Variants in FANCD2OS observed in about 807,000 individuals in gnomAD.
The protein encoded by FANCD2OS is FANCD2 opposite strand protein.
A neutral mutation model predicts 13.2 loss-of-function variants in FANCD2OS; 11 were observed. The ratio of observed to expected loss-of-function variants is 0.83; its 90% CI spans 0.52 to 1.38. FANCD2OS has a LOEUF of 1.38. Ranked by LOEUF, FANCD2OS falls within the 40% of genes most tolerant of loss-of-function variation. FANCD2OS has a pLI of 0.00. For missense variants in FANCD2OS, 217 were observed against 213.9 expected, an observed-to-expected ratio of 1.01 and a Z score of -0.09; for synonymous variants, 69 against 84.5, an observed-to-expected ratio of 0.82 and a Z score of 1.01.
At chr3:10,090,442 GA>G in intron 2 of FANCD2OS, 44 of 411,074 alleles carry the variant, frequency 1.1e-4, no homozygotes, top group Non-Finnish European at 1.5e-4. Flanking sequence ...GGAAGTTGCT[GA>G]TTTTTTTTTT....
intron 2 of FANCD2OS, among the ~76,000 whole-genome samples, chr3:10,092,725 C>T (rs1445276766): frequency 1.5e-5 from 2 of 132,010 alleles, no homozygotes; most frequent in African/African-American, 5.7e-5. Flanking sequence ...CAGGGTCTCA[C>T]TCTGTTGTCC....
downstream of FANCD2OS, among the ~76,000 whole-genome samples, chr3:10,098,457 C>A (rs1695108879): frequency 6.6e-6 from 1 of 152,096 alleles, no homozygotes; most frequent in African/African-American, 2.4e-5. Context: ...TACAGTCTAG[C>A]CTTTTAAAAT....
At chr3:10,097,703 C>T (rs1402377677) in intron 2 of FANCD2OS, among the ~76,000 whole-genome samples, 1 of 152,150 alleles carries the variant, frequency 6.6e-6, no homozygotes, top group Admixed American at 6.5e-5. Flanking sequence ...ATACCTCCTT[C>T]TCGGCTGACA....
At chr3:10,101,065 T>TAA (rs78434344), downstream of FANCD2OS, 137 of 616,492 alleles carry the variant, frequency 2.2e-4, no homozygotes, top group East Asian at 3.0e-4. Flanking sequence ...AAGACTCCTT[T>TAA]AAAAAAAAAA....
intron 2 of FANCD2OS, chr3:10,088,306 T>G (rs574027581): frequency 4.0e-5 from 28 of 701,564 alleles, no homozygotes; most frequent in Non-Finnish European, 7.0e-5. Flanking sequence ...GACAGCTTTT[T>G]GTAAGTTGCC....
Position 10,097,196 on chromosome 3 carries a change from G to A in FANCD2OS, c.*43+7002C>T, listed in dbSNP as rs147032269. On this transcript the variant is annotated intron_variant, in intron 2 of 2. Coordinates refer to the FANCD2OS transcript ENST00000524279. ...GGTGAGATCACATGACCGCAGGACC[G>A]AGGCGAAATTGAAATTGCTAATGAA... Among the ~76,000 whole-genome samples, 446 of 152,320 alleles carry A rather than the reference G, an allele frequency of 2.9e-3. 4 individuals are homozygous for A. The highest frequency in any genetic ancestry group is 0.01 in the African/African-American group (424 of 41,580).
chr3:10,105,771 ATTAT>A (rs1336790262), intron 1 of FANCD2OS, among the ~76,000 whole-genome samples: 2 of 14,060 alleles, frequency 1.4e-4, no homozygotes, highest in South Asian at 2.5e-3. Context: ...AAAAAAAAAA[ATTAT>A]ATATATATAT....
At chr3:10,102,712 G>T (rs1251635973), downstream of FANCD2OS, among the ~76,000 whole-genome samples, 1 of 151,296 alleles carries the variant, frequency 6.6e-6, no homozygotes, top group Non-Finnish European at 1.5e-5. Flanking sequence ...GCTTGGTGGC[G>T]GGCGCCTGTA....
At chr3:10,090,376 C>A in intron 2 of FANCD2OS, 3 of 1,607,128 alleles carry the variant, frequency 1.9e-6, no homozygotes, top group Non-Finnish European at 2.5e-6. Context: ...CAGCAGCAGA[C>A]TCGCAGCAGG....
chr3:10,082,395 C>T (rs1693897357), intron 2 of FANCD2OS, among the ~76,000 whole-genome samples: 1 of 152,182 alleles, frequency 6.6e-6, no homozygotes, highest in African/African-American at 2.4e-5. Flanking sequence ...TCAGTCCATT[C>T]TTCACATGGC....
At chr3:10,103,582 C>CA (rs565709772), downstream of FANCD2OS, among the ~76,000 whole-genome samples, 92 of 151,896 alleles carry the variant, frequency 6.1e-4, no homozygotes, top group African/African-American at 2.0e-3. Context: ...CTCCAAAAAC[C>CA]AAAAAAATGC....
downstream of FANCD2OS, chr3:10,098,599 T>C (rs1267854505): frequency 2.7e-5 from 33 of 1,204,644 alleles, no homozygotes; most frequent in Admixed American, 4.3e-5. Context: ...GTATCCATGT[T>C]TGCTGTGTTT....
At chr3:10,090,646 G>A (rs1023848158) in intron 2 of FANCD2OS, among the ~76,000 whole-genome samples, 1 of 151,880 alleles carries the variant, frequency 6.6e-6, no homozygotes, top group African/African-American at 2.4e-5. Flanking sequence ...TTTTAGTAGA[G>A]ACAGGGTTTC....
chr3:10,104,816 T>C (rs1389592343), intron 1 of FANCD2OS, 34 bp from the exon 2 acceptor site: 1 of 1,518,782 alleles, frequency 6.6e-7, no homozygotes, highest in East Asian at 2.3e-5. Flanking sequence ...GGAATTTCCC[T>C]GACATGCTTT....
At chr3:10,085,728 A>G in intron 2 of FANCD2OS, 3 of 891,502 alleles carry the variant, frequency 3.4e-6, no homozygotes, top group Non-Finnish European at 5.7e-6. Context: ...TATTGATGGT[A>G]CAGACTGGAG....
chr3:10,104,452 G>T lies in FANCD2OS; in HGVS notation c.323C>A (p.Thr108Lys). The T allele has an allele frequency of 6.2e-7, 1 of 1,614,218 alleles. No individual in the cohort carries two copies. Among genetic ancestry groups the T allele is most frequent in the Non-Finnish European group, 8.5e-7 (1 of 1,180,044 alleles). ...CCCGGTCCACTTTGGTGGCTGAGCT[G>T]TGATAACCCTGCCAAAGACAGAATC... ...GVDSVFGRVI[T>K]AQPPKWTGTF... The change falls in exon 2 of 2, where the codon ACA becomes AAA. Residue 108 changes from threonine to lysine, a missense_variant. Physicochemically the swap from Thr to Lys is moderately conservative, Grantham distance 78. Coordinates refer to ENST00000450660, the MANE Select transcript of FANCD2OS (RefSeq NM_001164839.2).
downstream of FANCD2OS, among the ~76,000 whole-genome samples, chr3:10,100,743 C>T (rs1173437921): frequency 6.6e-6 from 1 of 152,130 alleles, no homozygotes; most frequent in African/African-American, 2.4e-5. Flanking sequence ...CATATACATG[C>T]AGTAGAGCTG....
At chr3:10,103,149 TC>T (rs1172294068), downstream of FANCD2OS, 1 of 407,946 alleles carries the variant, frequency 2.5e-6, no homozygotes, top group Non-Finnish European at 4.8e-6. Context: ...ATGCCTATAA[TC>T]CCAGCACTTT....
rs1207789124 is a variant in FANCD2OS at position 10,088,967 on chromosome 3, C to T, written c.*44-7436G>A. 3.7e-6 allele frequency: 6 copies of T among 1,613,682 alleles called. No individual in the cohort carries two copies. In the East Asian group the frequency reaches 1.1e-4, roughly 30 times the overall value. ...ACTGACCAGGTAAGGGAGTTCTTTC[C>T]TCCAGTTTTTCCCTTAAGATAGAAT... On this transcript the variant is annotated intron_variant, in intron 2 of 2. Coordinates refer to the FANCD2OS transcript ENST00000524279.
Sources: allele counts gnomAD v4.1 joint callset (sites outside exome capture counted in the v4.1 genomes callset), GRCh38; gene constraint gnomAD v4.1.1; transcripts MANE v1.5; gene names NCBI Gene and HGNC (gene_info 2026-07-23, HGNC 2026-07-21).